The following BBS9 variants were observed in gnomAD, a reference collection of about 807,000 sequenced individuals.
BBS9 encodes protein PTHB1.
BBS9 carries 89 observed loss-of-function variants against 117.7 expected under a neutral mutation model. The ratio of observed to expected loss-of-function variants is 0.76; its 90% confidence interval spans 0.64 to 0.90. The LOEUF (loss-of-function observed/expected upper bound fraction) is 0.90. Ranked by LOEUF, BBS9 falls within the 40% of genes least tolerant of loss-of-function variation. The pLI, the probability that BBS9 is intolerant of heterozygous loss-of-function variation, is 0.00. For synonymous variants in BBS9, 379 were observed against 370.9 expected, an observed-to-expected ratio of 1.02 and a Z score of -0.25; for missense variants, 982 against 1,042.2, an observed-to-expected ratio of 0.94 and a Z score of 0.80.
At chr7:33,460,914 C>T (rs1839373738) in intron 19 of BBS9, among the ~76,000 whole-genome samples, 3 of 152,028 alleles carry the variant, frequency 2.0e-5, no homozygotes, top group Admixed American at 2.0e-4. Flanking sequence ...TAGACCCTGG[C>T]AACTACCAGT....
rs374350030 is a variant in BBS9, at chr7:33,411,726, C to T, written c.2115+23582C>T. On this transcript the variant is annotated intron_variant, in intron 19 of 22. Coordinates refer to ENST00000242067, the MANE Select transcript of BBS9 (RefSeq NM_198428.3). The stretch of plus-strand genomic sequence containing the variant: ...TATTTGGGGATACTAGGGAAAAAAC[C>T]TCTTAGAATGAATATTATTTGATCA... 1.3e-4 allele frequency among the ~76,000 whole-genome samples: 20 copies of T among 151,958 alleles called. No individual in the cohort carries two copies. In the South Asian group the frequency reaches 3.1e-3, roughly 24 times the overall value.
intron 20 of BBS9, among the ~76,000 whole-genome samples, chr7:33,507,713 T>C (rs1846349463): frequency 6.6e-6 from 1 of 152,212 alleles, no homozygotes; most frequent in African/African-American, 2.4e-5. Flanking sequence ...TAACAAATGG[T>C]GACCTCAAAG....
intron 9 of BBS9, among the ~76,000 whole-genome samples, chr7:33,295,665 G>A (rs938050799): frequency 1.3e-4 from 20 of 151,958 alleles, no homozygotes; most frequent in African/African-American, 3.9e-4. Flanking sequence ...AGTAAGATAT[G>A]AGAACTTAAG....
intron 19 of BBS9, among the ~76,000 whole-genome samples, chr7:33,502,026 TCAG>T (rs1335917443): frequency 6.6e-6 from 1 of 152,164 alleles, no homozygotes; most frequent in Non-Finnish European, 1.5e-5. Context: ...TTCTCCTGCC[TCAG>T]CCTCCCGAGT....
intron 9 of BBS9, among the ~76,000 whole-genome samples, chr7:33,290,021 G>A (rs1349108982): frequency 2.0e-5 from 3 of 150,636 alleles, no homozygotes; most frequent in African/African-American, 7.3e-5. Context: ...ACTCCAGCCT[G>A]GTGACAGAGA....
At chr7:33,368,509 C>T (rs1224113143) in intron 17 of BBS9, among the ~76,000 whole-genome samples, 2 of 151,690 alleles carry the variant, frequency 1.3e-5, no homozygotes, top group Non-Finnish European at 1.5e-5. Flanking sequence ...GTTATACACA[C>T]CTTCATGGGA....
rs773359962 is a variant in BBS9, at chr7:33,388,086, A to T, written c.2057A>T (p.Asp686Val). Residue 686 changes from aspartate (D) to valine (V), a missense_variant, in exon 19 of 23, where the codon GAT (aspartate) becomes GTT (valine). Physicochemically the swap from Asp to Val is radical, Grantham distance 152. Coordinates refer to ENST00000242067, the MANE Select transcript of BBS9 (RefSeq NM_198428.3). ...CGCCGGCTACTAGCAAGATTCAAAG[A>T]TAAAACTCCTGCCCCTCTTCAACAC... is the stretch of plus-strand genomic sequence containing the variant. Reference protein sequence around the residue: ...IQRRLLARFKDKTPAPLQHLD... With the variant: ...IQRRLLARFKVKTPAPLQHLD... The T allele has an allele frequency of 1.1e-5, 18 of 1,614,058 alleles. No individual in the cohort carries two copies. The highest frequency in any genetic ancestry group is 1.4e-5 in the Non-Finnish European group (16 of 1,180,020).
chr7:33,323,636 G>A (rs1443379841), intron 9 of BBS9, among the ~76,000 whole-genome samples: 1 of 151,754 alleles, frequency 6.6e-6, no homozygotes, highest in African/African-American at 2.4e-5. Flanking sequence ...GTCTTTATAT[G>A]TGAAGTGTGT....
chr7:33,160,999 A>G (rs754522612), intron 4 of BBS9, among the ~76,000 whole-genome samples: 2 of 152,196 alleles, frequency 1.3e-5, no homozygotes, highest in Non-Finnish European at 2.9e-5. Context: ...AAATGTTTAA[A>G]TGGCTCATCA....
intron 17 of BBS9, among the ~76,000 whole-genome samples, chr7:33,375,598 T>TC (rs1486622945): frequency 6.8e-6 from 1 of 148,006 alleles, no homozygotes; most frequent in African/African-American, 2.5e-5. Flanking sequence ...TTTCTTTCTT[T>TC]TTTTTTTTTT....
Position 33,155,818 on chromosome 7 carries a change from G to A in BBS9, c.328+116G>A, listed in dbSNP as rs896814308. ...GAGAACACAAAACATTTAGTTGAATGTTTTCTTGTCTTGGTTAACATTTTC... is the reference window on the plus strand; with the variant it reads ...GAGAACACAAAACATTTAGTTGAATATTTTCTTGTCTTGGTTAACATTTTC... On this transcript the variant is annotated intron_variant, in intron 4 of 22. Coordinates refer to ENST00000242067, the MANE Select transcript of BBS9 (RefSeq NM_198428.3). The A allele has an allele frequency of 3.1e-5, 19 of 607,952 alleles. 1 individual carries two copies. Among genetic ancestry groups the A allele is most frequent in the Non-Finnish European group, 5.3e-5 (18 of 341,924 alleles). 37.7% of individuals were successfully genotyped at this position (607,952 alleles called of 1,614,324 possible).
intron 19 of BBS9, among the ~76,000 whole-genome samples, chr7:33,422,356 A>G (rs779987879): frequency 5.9e-5 from 9 of 152,202 alleles, no homozygotes; most frequent in South Asian, 2.1e-4. Context: ...AATATTTACC[A>G]TAGCAGAATT....
Position 33,334,659 on chromosome 7 carries a change from T to C in BBS9, c.1017-1782T>C, listed in dbSNP as rs550399446. On this transcript the variant is annotated intron_variant, in intron 9 of 22. Coordinates refer to ENST00000242067, the MANE Select transcript of BBS9 (RefSeq NM_198428.3). ...TTCATACTTTAAGAAGATCATTCCA[T>C]TTTTGGACTATTTGTTTTCTGAGGG... 1.3e-4 allele frequency among the ~76,000 whole-genome samples: 20 copies of C among 152,262 alleles called. No individual in the cohort carries two copies. In the East Asian group the frequency reaches 3.9e-3, roughly 29 times the overall value.
chr7:33,547,315 T>C (rs1286082818), intron 21 of BBS9, among the ~76,000 whole-genome samples: 2 of 152,210 alleles, frequency 1.3e-5, no homozygotes, highest in East Asian at 3.9e-4. Flanking sequence ...AGGGTTTTAA[T>C]TTCTTCTCCT....
intron 20 of BBS9, among the ~76,000 whole-genome samples, chr7:33,527,729 C>T (rs1212752238): frequency 6.6e-6 from 1 of 152,230 alleles, no homozygotes; most frequent in Non-Finnish European, 1.5e-5. Flanking sequence ...ACGCTGGGAG[C>T]TGTAGACCGG....
chr7:33,447,320 T>C (rs543426920), intron 19 of BBS9, among the ~76,000 whole-genome samples: 1 of 152,300 alleles, frequency 6.6e-6, no homozygotes, highest in African/African-American at 2.4e-5. Flanking sequence ...TGGGCACCTC[T>C]CAAAGAAATA....
At chr7:33,421,494 C>A (rs1352863662) in intron 19 of BBS9, among the ~76,000 whole-genome samples, 3 of 152,048 alleles carry the variant, frequency 2.0e-5, no homozygotes, top group Non-Finnish European at 2.9e-5. Context: ...AATGTATAAA[C>A]CTCCATGAGA....
intron 19 of BBS9, among the ~76,000 whole-genome samples, chr7:33,478,189 G>A (rs1663135137): frequency 6.6e-6 from 1 of 152,026 alleles, no homozygotes; most frequent in South Asian, 2.1e-4. Flanking sequence ...TTTTTTTGAG[G>A]TCAAAGACTC....
At chr7:33,303,639 TC>T (rs1807058118) in intron 9 of BBS9, among the ~76,000 whole-genome samples, 1 of 149,652 alleles carries the variant, frequency 6.7e-6, no homozygotes, top group South Asian at 2.1e-4. Flanking sequence ...CTGCCGAGTG[TC>T]TGGGATTGCA....
Sources: gnomAD v4.1 joint callset for allele counts (sites outside exome capture counted in the v4.1 genomes callset) on GRCh38, gnomAD v4.1.1 for gene constraint, MANE v1.5 for transcripts, NCBI Gene and HGNC (gene_info 2026-07-23, HGNC 2026-07-21) for gene names.